DNAJC1: variants seen among roughly 807,000 people sequenced by gnomAD.
The protein encoded by DNAJC1 is DnaJ heat shock protein family (Hsp40) member C1.
A neutral mutation model predicts 76.6 loss-of-function variants in DNAJC1; 58 were observed. The ratio of observed to expected loss-of-function variants is 0.76; its 90% CI spans 0.61 to 0.94. DNAJC1 has a LOEUF of 0.94. Ranked by LOEUF, DNAJC1 falls within the 40% of genes least tolerant of loss-of-function variation. DNAJC1 has a pLI of 0.00. For synonymous variants in DNAJC1, 258 were observed against 267.9 expected (o/e 0.96, Z 0.36); for missense variants, 689 against 677.3 (o/e 1.02, Z -0.19).
At chr10:21,908,094 A>C (rs1343403206) in intron 6 of DNAJC1, among the ~76,000 whole-genome samples, 25 of 111,544 alleles carry the variant, frequency 2.2e-4, no homozygotes, top group Non-Finnish European at 3.1e-4. Flanking sequence ...TATATATAAA[A>C]TATATATAAT....
chr10:21,895,768 G>T (rs1164026245), intron 7 of DNAJC1, among the ~76,000 whole-genome samples: 1 of 152,102 alleles, frequency 6.6e-6, no homozygotes, highest in East Asian at 1.9e-4. Context: ...TATCTGTGCT[G>T]CCCTTCTCAT....
chr10:21,898,813 T>C (rs1397235880), intron 7 of DNAJC1, among the ~76,000 whole-genome samples: 1 of 151,732 alleles, frequency 6.6e-6, no homozygotes, highest in Non-Finnish European at 1.5e-5. Flanking sequence ...AACATTACTT[T>C]AGAGAGTATT....
intron 9 of DNAJC1, among the ~76,000 whole-genome samples, chr10:21,772,874 T>C (rs894734856): frequency 6.6e-6 from 1 of 152,162 alleles, no homozygotes; most frequent in Non-Finnish European, 1.5e-5. Flanking sequence ...GCTTGGCTTC[T>C]GGGGAAGCCT....
intron 2 of DNAJC1, 80 bp from the exon 3 acceptor site, chr10:21,928,632 C>T: frequency 8.9e-7 from 1 of 1,118,892 alleles, no homozygotes; most frequent in Non-Finnish European, 1.4e-6. Flanking sequence ...CACTACAATA[C>T]ACATGCAGAA....
chr10:21,893,932 C>A (rs1225732943), intron 7 of DNAJC1, among the ~76,000 whole-genome samples: 4 of 151,858 alleles, frequency 2.6e-5, no homozygotes, highest in Non-Finnish European at 5.9e-5. Flanking sequence ...ACAAAGGAAA[C>A]AGAAGACAAA....
At chr10:21,831,914 T>C (rs558883678) in intron 8 of DNAJC1, among the ~76,000 whole-genome samples, 1 of 152,226 alleles carries the variant, frequency 6.6e-6, no homozygotes, top group South Asian at 2.1e-4. Context: ...TACTCTTATG[T>C]CTATAACATA....
chr10:21,809,757 T>C (rs1834935618), intron 8 of DNAJC1, among the ~76,000 whole-genome samples: 1 of 152,092 alleles, frequency 6.6e-6, no homozygotes. Context: ...TCCTTTCCTA[T>C]TTAAAAATGG....
intron 8 of DNAJC1, among the ~76,000 whole-genome samples, chr10:21,833,454 G>A (rs952530108): frequency 6.6e-6 from 1 of 152,142 alleles, no homozygotes; most frequent in African/African-American, 2.4e-5. Flanking sequence ...TGAGGCAACA[G>A]TGTGAGACTC....
intron 9 of DNAJC1, among the ~76,000 whole-genome samples, chr10:21,767,654 G>A (rs190707118): frequency 6.6e-6 from 1 of 152,094 alleles, no homozygotes; most frequent in Admixed American, 6.5e-5. Context: ...GCAATTTGAT[G>A]AGTTTTGACC....
intron 10 of DNAJC1, among the ~76,000 whole-genome samples, chr10:21,763,565 G>GCT (rs1554884501): frequency 3.9e-5 from 5 of 127,370 alleles, no homozygotes; most frequent in Non-Finnish European, 8.2e-5. Context: ...TGTGCAGGTT[G>GCT]TTTTTTTTTT....
intron 9 of DNAJC1, among the ~76,000 whole-genome samples, chr10:21,768,776 T>G (rs527962335): frequency 5.3e-5 from 8 of 152,314 alleles, no homozygotes; most frequent in African/African-American, 1.7e-4. Flanking sequence ...AAAATTTGAT[T>G]GCCCCACCAT....
chr10:21,778,688 T>C (rs533517375), intron 9 of DNAJC1, among the ~76,000 whole-genome samples: 1 of 152,304 alleles, frequency 6.6e-6, no homozygotes, highest in South Asian at 2.1e-4. Context: ...AGACGGGTGA[T>C]TTCTGCATTT....
intron 8 of DNAJC1, among the ~76,000 whole-genome samples, chr10:21,813,002 T>C (rs1358959823): frequency 1.4e-5 from 2 of 140,808 alleles, no homozygotes; most frequent in African/African-American, 5.4e-5. Context: ...CAAGGATAAA[T>C]GATAAAAGAC....
At chr10:21,988,276 A>G (rs932354863) in intron 1 of DNAJC1, among the ~76,000 whole-genome samples, 5 of 152,176 alleles carry the variant, frequency 3.3e-5, no homozygotes, top group Non-Finnish European at 4.4e-5. Flanking sequence ...TCAGCTGCCT[A>G]TAAGTAAAAA....
At position 21,771,476 on chromosome 10, in the gene DNAJC1, G is replaced by A. The variant is rs141699871; in HGVS notation, c.1099-5167C>T. On this transcript the variant is annotated intron_variant, in intron 9 of 11. Coordinates refer to ENST00000376980, the MANE Select transcript of DNAJC1 (RefSeq NM_022365.4). ...TCCTAGTCTGCTGAGTGTTTTTATA[G>A]TGCAAGGGTGTTGGGTTTTGTCAAA... 5.3e-4 allele frequency among the ~76,000 whole-genome samples: 81 copies of A among 151,646 alleles called. 1 individual carries two copies. The East Asian group carries it at 0.011, about 20-fold the overall frequency.
At chr10:21,921,031 T>C in intron 3 of DNAJC1, 68 bp from the exon 4 acceptor site, 1 of 1,369,336 alleles carries the variant, frequency 7.3e-7, no homozygotes, top group Non-Finnish European at 9.8e-7. Flanking sequence ...TATTTGTGCC[T>C]ATATTACAAA....
intron 8 of DNAJC1, among the ~76,000 whole-genome samples, chr10:21,863,440 CA>C (rs1365169029): frequency 6.6e-6 from 1 of 151,900 alleles, no homozygotes; most frequent in Non-Finnish European, 1.5e-5. Flanking sequence ...TCAAAACTCC[CA>C]TAAGAAGAAA....
At chr10:21,815,977 C>T (rs2131651906) in intron 8 of DNAJC1, among the ~76,000 whole-genome samples, 1 of 151,728 alleles carries the variant, frequency 6.6e-6, no homozygotes, top group South Asian at 2.1e-4. Context: ...CTCCTGACCT[C>T]AAGTGATCCG....
intron 9 of DNAJC1, among the ~76,000 whole-genome samples, chr10:21,804,316 G>C (rs1402829253): frequency 3.9e-5 from 6 of 151,928 alleles, no homozygotes; most frequent in African/African-American, 9.7e-5. Flanking sequence ...TAATACATTA[G>C]TATTACTATT....
Sources: gnomAD v4.1 joint callset for allele counts (sites outside exome capture counted in the v4.1 genomes callset) on GRCh38, gnomAD v4.1.1 for gene constraint, MANE v1.5 for transcripts, NCBI Gene and HGNC (gene_info 2026-07-23, HGNC 2026-07-21) for gene names.